Variants in DHRS4L2 observed in about 807,000 individuals in gnomAD.
DHRS4L2 encodes dehydrogenase/reductase SDR family member 4-like 2.
Under a neutral mutation model 23.9 loss-of-function variants are expected in DHRS4L2, and 22 were observed. That is an observed-to-expected ratio of 0.92 (90% CI 0.66 to 1.31). The LOEUF (loss-of-function observed/expected upper bound fraction) is 1.31, where lower values mean the gene tolerates loss of function less well. Among genes scored for constraint, DHRS4L2 ranks in the 40% most tolerant of loss-of-function variants. DHRS4L2 has a pLI of 0.00. For missense variants in DHRS4L2, 385 were observed against 303.3 expected, an observed-to-expected ratio of 1.27 and a Z score of -2.00; for synonymous variants, 141 against 123.7, an observed-to-expected ratio of 1.14 and a Z score of -0.93.
intron 2 of DHRS4L2, among the ~76,000 whole-genome samples, chr14:23,991,437 G>C (rs1431171226): frequency 6.6e-6 from 1 of 151,792 alleles, no homozygotes; most frequent in African/African-American, 2.4e-5. Flanking sequence ...CGACATGTAA[G>C]TAGCAATGTA....
At chr14:23,984,805 C>CAAAAAAAAAA (rs568852943), upstream of DHRS4L2, among the ~76,000 whole-genome samples, 1 of 67,458 alleles carries the variant, frequency 1.5e-5, no homozygotes. Context: ...GATGCCATCT[C>CAAAAAAAAAA]AAAAAAAAAA....
chr14:23,987,385 T>G (rs1178187269), upstream of DHRS4L2: 1 of 198,938 alleles, frequency 5.0e-6, no homozygotes, highest in East Asian at 1.9e-4. Context: ...CGCCTCGGCC[T>G]CCCAAAGTGC....
At position 23,974,565 on chromosome 14, in the gene DHRS4L2, A is replaced by G. The variant is rs894156160; in HGVS notation, c.-176+4233A>G. Among the ~76,000 whole-genome samples the G allele has an allele frequency of 8.6e-5, 13 of 151,816 alleles. 1 individual carries two copies. Among genetic ancestry groups the G allele is most frequent in the Middle Eastern group, 3.2e-3 (1 of 316 alleles). On this transcript the variant is annotated intron_variant, in intron 1 of 5. Transcript: ENST00000534993. The stretch of plus-strand genomic sequence containing the variant: ...GACACAATAAAAAATCATAAAGGGG[A>G]TATCACCAGTGATCCCACAGAAATA...
chr14:23,993,329 G>C (rs1287611101), intron 2 of DHRS4L2, among the ~76,000 whole-genome samples: 3 of 151,864 alleles, frequency 2.0e-5, no homozygotes, highest in East Asian at 1.9e-4. Context: ...TGTAAATTTT[G>C]TTAGATTAAC....
At chr14:23,988,921 T>G (rs202140394), upstream of DHRS4L2, 2 of 1,609,356 alleles carry the variant, frequency 1.2e-6, no homozygotes, top group Non-Finnish European at 1.7e-6. Context: ...CTGGAAGGAG[T>G]GGAACCCAGA....
At chr14:23,989,447 G>C (rs2034219967) in intron 1 of DHRS4L2, among the ~76,000 whole-genome samples, 1 of 151,570 alleles carries the variant, frequency 6.6e-6, no homozygotes, top group South Asian at 2.1e-4. Flanking sequence ...TTTTGAAAAT[G>C]TACCATTCTA....
upstream of DHRS4L2, among the ~76,000 whole-genome samples, chr14:23,986,894 C>T (rs1164640253): frequency 5.9e-5 from 9 of 151,582 alleles, no homozygotes; most frequent in Admixed American, 5.2e-4. Context: ...GAGTGTGGCG[C>T]TTCCAGCCTC....
intron 1 of DHRS4L2, among the ~76,000 whole-genome samples, chr14:23,975,526 A>G (rs570708565): frequency 1.3e-5 from 2 of 151,932 alleles, no homozygotes; most frequent in Non-Finnish European, 2.9e-5. Context: ...TATAGACTCA[A>G]TGCTATCCCC....
rs768246100 is a variant in DHRS4L2 at position 23,994,311 on chromosome 14, G to T, written c.307-721G>T. ...TTTGGGGTGAGACTTGAAATCATGA[G>T]AATGAAGGAGCTTTCCAAAGGGAAA... On this transcript the variant is annotated intron_variant, in intron 2 of 7. Coordinates refer to ENST00000335125, the MANE Select transcript of DHRS4L2 (RefSeq NM_198083.4). Among the ~76,000 whole-genome samples the T allele has an allele frequency of 3.9e-4, 59 of 151,720 alleles. 2 individuals carry two copies. Among genetic ancestry groups the T allele is most frequent in the Admixed American group, 1.9e-3 (29 of 15,250 alleles).
At chr14:23,991,480 C>G (rs1247782305) in intron 2 of DHRS4L2, among the ~76,000 whole-genome samples, 1 of 151,726 alleles carries the variant, frequency 6.6e-6, no homozygotes, top group African/African-American at 2.4e-5. Flanking sequence ...ACAACCTGTG[C>G]CCCCCACCAG....
chr14:23,973,109 G>A (rs945515333), intron 1 of DHRS4L2, among the ~76,000 whole-genome samples: 2 of 151,896 alleles, frequency 1.3e-5, no homozygotes, highest in Non-Finnish European at 2.9e-5. Flanking sequence ...GACTGCAAGA[G>A]GCTTTCCTCT....
upstream of DHRS4L2, chr14:23,987,202 C>A (rs1236810144): frequency 2.8e-6 from 1 of 355,536 alleles, no homozygotes; most frequent in South Asian, 2.0e-5. Context: ...GTGATCTTGG[C>A]TCACTGCAAG....
At chr14:23,987,255 C>A (rs534959133), upstream of DHRS4L2, 260 of 335,218 alleles carry the variant, frequency 7.8e-4, 4 homozygotes, top group African/African-American at 5.6e-3. Flanking sequence ...CTCAGCCTCC[C>A]GAGTAGCTGG....
intron 7 of DHRS4L2, among the ~76,000 whole-genome samples, chr14:24,005,606 A>G (rs1368211968): frequency 2.6e-5 from 4 of 152,218 alleles, no homozygotes; most frequent in East Asian, 1.9e-4. Context: ...TTTTATCTAT[A>G]TAACTTTGGA....
intron 1 of DHRS4L2, among the ~76,000 whole-genome samples, chr14:23,976,446 AG>A (rs1300688190): frequency 2.6e-5 from 4 of 151,934 alleles, no homozygotes; most frequent in Non-Finnish European, 5.9e-5. Flanking sequence ...TTAAAAAGTC[AG>A]GAAACAATAG....
intron 1 of DHRS4L2, among the ~76,000 whole-genome samples, chr14:23,972,013 A>T (rs565708829): frequency 1.4e-3 from 217 of 152,216 alleles, no homozygotes; most frequent in African/African-American, 5.0e-3. Context: ...TAAATGCCCC[A>T]ATTAAAAGAC....
At chr14:23,973,551 G>T (rs1156930107) in intron 1 of DHRS4L2, among the ~76,000 whole-genome samples, 1 of 151,768 alleles carries the variant, frequency 6.6e-6, no homozygotes, top group Non-Finnish European at 1.5e-5. Flanking sequence ...AAGGGATGGA[G>T]GAAGATCTAC....
In DHRS4L2 at chr14:24,003,821, G is replaced by C. The variant is rs1453348180; in HGVS notation, c.666-516G>C. 4.0e-5 allele frequency among the ~76,000 whole-genome samples: 2 copies of C among 50,084 alleles called. 1 individual carries two copies. The highest frequency in any genetic ancestry group is 5.8e-5 in the Non-Finnish European group (2 of 34,234). 32.9% of individuals were successfully genotyped at this position (50,084 alleles called of 152,430 possible). A position where few individuals can be genotyped will look rare whatever the true frequency, so the allele number is the denominator to read the frequency against. The stretch of plus-strand genomic sequence containing the variant: ...GTGTATAAGAATGCTTGTGATTTTT[G>C]TACATTGATTTTGTATCCTGAGACT... On this transcript the variant is annotated intron_variant, in intron 6 of 7. Coordinates refer to ENST00000335125, the MANE Select transcript of DHRS4L2 (RefSeq NM_198083.4).
rs140583877 is a variant in DHRS4L2 at position 23,997,671 on chromosome 14, G to A, written c.408+2538G>A. On this transcript the variant is annotated intron_variant, in intron 3 of 7. Transcript: ENST00000335125. ...GCTCCTCAGCCATCTACATTTTATC[G>A]TGAGATTGTAGCAATTCAGTCCTAT... Among the ~76,000 whole-genome samples, 490 of 146,854 alleles carry A rather than the reference G, an allele frequency of 3.3e-3. 12 individuals carry two copies. The highest frequency in any genetic ancestry group is 0.017 in the South Asian group (78 of 4,692).
Sources: allele counts gnomAD v4.1 joint callset (sites outside exome capture counted in the v4.1 genomes callset), GRCh38; gene constraint gnomAD v4.1.1; transcripts MANE v1.5; gene names NCBI Gene and HGNC (gene_info 2026-07-23, HGNC 2026-07-21).